Variants in IGF2BP3 observed in about 807,000 individuals in gnomAD.
IGF2BP3 encodes insulin like growth factor 2 mRNA binding protein 3, also known as insulin-like growth factor 2 mRNA-binding protein 3.
In IGF2BP3, 9 loss-of-function variants were observed where a neutral mutation model predicts 73.8. The ratio of observed to expected loss-of-function variants is 0.12; its 90% CI spans 0.07 to 0.21. IGF2BP3 has a LOEUF of 0.21. IGF2BP3 is among the 10% of genes least tolerant of loss of function. IGF2BP3 has a pLI of 1.00. For synonymous variants in IGF2BP3, 258 were observed against 256.7 expected, an observed-to-expected ratio of 1.01 and a Z score of -0.05; for missense variants, 542 against 714.0, an observed-to-expected ratio of 0.76 and a Z score of 2.75.
intron 2 of IGF2BP3, among the ~76,000 whole-genome samples, chr7:23,435,957 A>G (rs1274666863): frequency 6.6e-6 from 1 of 151,042 alleles, no homozygotes; most frequent in Non-Finnish European, 1.5e-5. Context: ...GGGTTTTACC[A>G]TGTTGGCCAG....
At position 23,465,910 on chromosome 7, in the gene IGF2BP3, C is replaced by A. The variant is rs534066749; in HGVS notation, c.236+2572G>T. ...TGGTCACCCTGATGCCTTCTCTGCC[C>A]GCTTCCAGAGCCTATGAAAATGGTG... On this transcript the variant is annotated intron_variant, in intron 2 of 14. Coordinates refer to ENST00000258729, the MANE Select transcript of IGF2BP3 (RefSeq NM_006547.3). Among the ~76,000 whole-genome samples, 5 of 152,176 alleles carry A rather than the reference C, an allele frequency of 3.3e-5. No homozygotes were observed. In the South Asian group the frequency reaches 1.0e-3, roughly 32 times the overall value.
At chr7:23,369,547 G>T (rs1402200311) in intron 3 of IGF2BP3, among the ~76,000 whole-genome samples, 3 of 152,126 alleles carry the variant, frequency 2.0e-5, no homozygotes, top group Admixed American at 2.0e-4. Flanking sequence ...TGGACAAACA[G>T]AACCAGTTTG....
intron 3 of IGF2BP3, among the ~76,000 whole-genome samples, chr7:23,383,127 T>G (rs1562715559): frequency 6.6e-6 from 1 of 152,030 alleles, no homozygotes; most frequent in Non-Finnish European, 1.5e-5. Flanking sequence ...AACTACATAG[T>G]ATTAAAGACT....
chr7:23,445,674 T>C (rs1483300516), intron 2 of IGF2BP3, among the ~76,000 whole-genome samples: 2 of 152,192 alleles, frequency 1.3e-5, no homozygotes, highest in East Asian at 1.9e-4. Flanking sequence ...AATATTGTTA[T>C]AGATAGCACA....
At chr7:23,379,660 C>T (rs1008786034) in intron 3 of IGF2BP3, among the ~76,000 whole-genome samples, 3 of 152,276 alleles carry the variant, frequency 2.0e-5, no homozygotes, top group Middle Eastern at 3.4e-3. Context: ...GCTCTATTCA[C>T]CAACCAAGTT....
chr7:23,430,086 CTT>C (rs1156607130), intron 2 of IGF2BP3, among the ~76,000 whole-genome samples: 14 of 138,046 alleles, frequency 1.0e-4, no homozygotes, highest in Admixed American at 2.2e-4. Flanking sequence ...TTCTTTGCCT[CTT>C]TTTTTTTTTT....
Position 23,390,376 on chromosome 7 carries a change from G to GA in IGF2BP3, c.285+28399dup, listed in dbSNP as rs1207339907. On this transcript the variant is annotated intron_variant, in intron 3 of 14. Coordinates refer to ENST00000258729, the MANE Select transcript of IGF2BP3 (RefSeq NM_006547.3). The stretch of plus-strand genomic sequence containing the variant: ...ATTCTTTAACTGAGGCTTCTGAAAA[G>GA]AAAAAAAAAAATCAGTTTGAAGCCA... Among the ~76,000 whole-genome samples, 416 of 143,900 alleles carry GA rather than the reference G, an allele frequency of 2.9e-3. 2 individuals are homozygous for GA. Among genetic ancestry groups the GA allele is most frequent in the African/African-American group, 9.4e-3 (371 of 39,396 alleles). The allele number at this position is 143,900 out of a possible 152,430, so 94.4% of individuals were successfully genotyped here.
chr7:23,368,789 C>G (rs1172451542), intron 3 of IGF2BP3, among the ~76,000 whole-genome samples: 1 of 151,646 alleles, frequency 6.6e-6, no homozygotes, highest in Admixed American at 6.6e-5. Flanking sequence ...CCCAGCTACT[C>G]GGGACGCTGA....
intron 10 of IGF2BP3, among the ~76,000 whole-genome samples, chr7:23,320,091 T>C (rs2128492980): frequency 6.6e-6 from 1 of 152,116 alleles, no homozygotes; most frequent in East Asian, 1.9e-4. Flanking sequence ...TTTTTTTTTT[T>C]TGTAGAGATA....
chr7:23,421,253 G>A (rs929828903), intron 2 of IGF2BP3, among the ~76,000 whole-genome samples: 4 of 151,892 alleles, frequency 2.6e-5, no homozygotes, highest in African/African-American at 4.8e-5. Context: ...CAAGTGATCC[G>A]CCTGCCTCGG....
chr7:23,312,222 G>A lies in IGF2BP3; in HGVS notation c.*140C>T. On this transcript the variant is annotated 3_prime_UTR_variant, in exon 15 of 15. Coordinates refer to ENST00000258729, the MANE Select transcript of IGF2BP3 (RefSeq NM_006547.3). ...TTCTCACAGAGACAGGAGTTCAAAA[G>A]TTGCCTGGTCCTCAGAAACAACTGG... 1 of 628,274 alleles carries A rather than the reference G, an allele frequency of 1.6e-6. No individual in the cohort carries two copies. Among genetic ancestry groups the A allele is most frequent in the East Asian group, 2.7e-5 (1 of 36,804 alleles). 38.9% of individuals were successfully genotyped at this position (628,274 alleles called of 1,614,324 possible). A position where few individuals can be genotyped will look rare whatever the true frequency, so the allele number is the denominator to read the frequency against.
chr7:23,330,292 AT>A (rs1784411282), intron 10 of IGF2BP3, among the ~76,000 whole-genome samples: 1 of 149,752 alleles, frequency 6.7e-6, no homozygotes, highest in African/African-American at 2.4e-5. Flanking sequence ...TCTCAAAAAA[AT>A]AAAATAAAAT....
In IGF2BP3 at chr7:23,399,889, A is replaced by T. The variant is rs1278172765; in HGVS notation, c.285+18887T>A. On this transcript the variant is annotated intron_variant, in intron 3 of 14. Transcript: ENST00000258729. ...CCCAAAGTAGAGAGTTTAAAAAGTC[A>T]CTTTAAAATTCCTAAGAAAGGAATC... Among the ~76,000 whole-genome samples, 3 of 152,206 alleles carry T rather than the reference A, an allele frequency of 2.0e-5. 1 individual carries two copies. The highest frequency in any genetic ancestry group is 4.4e-5 in the Non-Finnish European group (3 of 68,032).
At chr7:23,389,545 T>C (rs186729817) in intron 3 of IGF2BP3, among the ~76,000 whole-genome samples, 4 of 148,760 alleles carry the variant, frequency 2.7e-5, no homozygotes, top group African/African-American at 5.0e-5. Flanking sequence ...TCAGTACTGT[T>C]TTTTTTTTTA....
chr7:23,383,280 C>T (rs1460125997), intron 3 of IGF2BP3, among the ~76,000 whole-genome samples: 1 of 152,132 alleles, frequency 6.6e-6, no homozygotes, highest in Non-Finnish European at 1.5e-5. Flanking sequence ...TTTTACAACT[C>T]AGTAATAAAG....
chr7:23,424,358 C>G (rs985498395), intron 2 of IGF2BP3, among the ~76,000 whole-genome samples: 1 of 151,636 alleles, frequency 6.6e-6, no homozygotes, highest in Admixed American at 6.6e-5. Context: ...ATTAGCTGGG[C>G]GTAGTGGCAG....
intron 3 of IGF2BP3, among the ~76,000 whole-genome samples, chr7:23,398,647 A>C (rs1471829356): frequency 1.3e-5 from 2 of 151,994 alleles, no homozygotes; most frequent in Non-Finnish European, 2.9e-5. Flanking sequence ...TTTGATTTGC[A>C]TTTCTCTGAT....
chr7:23,341,526 G>C (rs1784712338), intron 10 of IGF2BP3, among the ~76,000 whole-genome samples: 2 of 152,010 alleles, frequency 1.3e-5, no homozygotes. Context: ...AAAGTAGCCG[G>C]GTGTGGTGTG....
intron 3 of IGF2BP3, among the ~76,000 whole-genome samples, chr7:23,368,339 G>GA (rs1205070374): frequency 8.3e-6 from 1 of 120,556 alleles, no homozygotes; most frequent in Admixed American, 8.7e-5. Context: ...AAGAAAGAAA[G>GA]AAAAAAAGAA....
Sources: allele counts gnomAD v4.1 joint callset (sites outside exome capture counted in the v4.1 genomes callset), GRCh38; gene constraint gnomAD v4.1.1; transcripts MANE v1.5; gene names NCBI Gene and HGNC (gene_info 2026-07-23, HGNC 2026-07-21).